KLHL32: variants seen among roughly 807,000 people sequenced by gnomAD.
The protein encoded by KLHL32 is kelch-like protein 32.
Under a neutral mutation model 64.8 loss-of-function variants are expected in KLHL32, and 35 were observed. The ratio of observed to expected loss-of-function variants is 0.54; its 90% CI spans 0.41 to 0.72. The LOEUF (loss-of-function observed/expected upper bound fraction) is 0.72. Ranked by LOEUF, KLHL32 falls within the 30% of genes least tolerant of loss-of-function variation. KLHL32 has a pLI of 0.00. For synonymous variants in KLHL32, 259 were observed against 281.0 expected, an observed-to-expected ratio of 0.92 and a Z score of 0.78; for missense variants, 589 against 768.5, an observed-to-expected ratio of 0.77 and a Z score of 2.76.
chr6:96,994,830 C>T (rs1001158364), intron 3 of KLHL32, among the ~76,000 whole-genome samples: 7 of 152,102 alleles, frequency 4.6e-5, no homozygotes, highest in African/African-American at 1.7e-4. Context: ...AACAGTCAGA[C>T]CAGGACTTCT....
intron 1 of KLHL32, among the ~76,000 whole-genome samples, chr6:96,964,379 C>T (rs1434093643): frequency 6.6e-6 from 1 of 152,198 alleles, no homozygotes; most frequent in Non-Finnish European, 1.5e-5. Flanking sequence ...TATGGTCGGG[C>T]GCAGTGGCTC....
At chr6:97,117,905 TATAAAA>T (rs748405418) in intron 7 of KLHL32, among the ~76,000 whole-genome samples, 21 of 152,186 alleles carry the variant, frequency 1.4e-4, no homozygotes, top group Non-Finnish European at 2.4e-4. Context: ...GCTTTAAAAC[TATAAAA>T]ATAAGACAAA....
At chr6:97,025,669 C>T (rs1157385005) in intron 3 of KLHL32, among the ~76,000 whole-genome samples, 1 of 152,020 alleles carries the variant, frequency 6.6e-6, no homozygotes, top group Non-Finnish European at 1.5e-5. Flanking sequence ...GCAGTCTTTC[C>T]AACTTGAGAG....
chr6:97,016,564 G>T (rs2128099450), intron 3 of KLHL32, among the ~76,000 whole-genome samples: 1 of 152,282 alleles, frequency 6.6e-6, no homozygotes, highest in African/African-American at 2.4e-5. Flanking sequence ...TGATTTTACA[G>T]GCTTATAGGT....
chr6:96,973,824 G>A (rs1415960308), intron 2 of KLHL32, among the ~76,000 whole-genome samples: 2 of 148,194 alleles, frequency 1.3e-5, no homozygotes, highest in Non-Finnish European at 3.0e-5. Context: ...CTGGGTTCAA[G>A]CAATTCTCCT....
intron 2 of KLHL32, among the ~76,000 whole-genome samples, chr6:96,971,867 G>T (rs1775153738): frequency 1.3e-5 from 2 of 152,054 alleles, no homozygotes; most frequent in Non-Finnish European, 2.9e-5. Context: ...TTTTTCTGTT[G>T]TTGAGACAGA....
intron 3 of KLHL32, among the ~76,000 whole-genome samples, chr6:97,002,214 G>A (rs982057356): frequency 6.6e-6 from 1 of 152,090 alleles, no homozygotes; most frequent in Non-Finnish European, 1.5e-5. Flanking sequence ...GCAGAGAGAA[G>A]GAATTCTTTT....
intron 4 of KLHL32, among the ~76,000 whole-genome samples, chr6:97,060,154 G>A (rs191128008): frequency 4.3e-4 from 66 of 152,082 alleles, no homozygotes; most frequent in African/African-American, 1.6e-3. Flanking sequence ...ATCTCCTTAT[G>A]CAAGAAATGA....
the KLHL32 span, among the ~76,000 whole-genome samples, chr6:96,913,523 G>A: frequency 4.6e-5 from 7 of 152,188 alleles, no homozygotes; most frequent in African/African-American, 1.7e-4. Context: ...TGATGTCAAT[G>A]TGACATTGCC....
intron 5 of KLHL32, 27 bp downstream of exon 5, chr6:97,064,753 C>T (rs768781893): frequency 1.3e-6 from 2 of 1,533,418 alleles, no homozygotes; most frequent in East Asian, 2.2e-5. Context: ...CCTGCTCATA[C>T]ACCCTTCACA....
chr6:97,100,799 C>CTTT (rs763909891), intron 6 of KLHL32, among the ~76,000 whole-genome samples: 161 of 96,234 alleles, frequency 1.7e-3, no homozygotes, highest in East Asian at 4.6e-3. Flanking sequence ...GCTCATTATT[C>CTTT]TTTTTTTTTT....
chr6:96,987,310 A>G (rs530705883), intron 3 of KLHL32, among the ~76,000 whole-genome samples: 3 of 152,046 alleles, frequency 2.0e-5, no homozygotes, highest in East Asian at 1.9e-4. Context: ...TTAGGGTGTC[A>G]ATTTTAGATC....
At chr6:97,093,888 G>A (rs1337139011) in intron 6 of KLHL32, among the ~76,000 whole-genome samples, 2 of 152,144 alleles carry the variant, frequency 1.3e-5, no homozygotes, top group Non-Finnish European at 1.5e-5. Flanking sequence ...AAAAGAACCT[G>A]GAGTGCCATT....
rs1426338547 is a variant in KLHL32 at position 96,995,335 on chromosome 6, A to G, written c.204+19158A>G. ...TGGGTCAGAATAACTTTTTAATTTC[A>G]TCCTTTCCCAACTTTTCATTTCCTG... is the stretch of plus-strand genomic sequence containing the variant. On this transcript the variant is annotated intron_variant, in intron 3 of 10. Coordinates refer to ENST00000369261, the MANE Select transcript of KLHL32 (RefSeq NM_052904.4). Among the ~76,000 whole-genome samples, 3 of 152,096 alleles carry G rather than the reference A, an allele frequency of 2.0e-5. No homozygotes were observed. The East Asian group carries it at 5.8e-4, about 29-fold the overall frequency.
rs779377562 is a variant in KLHL32 at position 97,114,438 on chromosome 6, T to C, written c.1283T>C (p.Phe428Ser). Residue 428 changes from phenylalanine (F) to serine (S), a missense_variant, in exon 7 of 11, where the codon TTT (phenylalanine) becomes TCT (serine). Physicochemically the swap from Phe to Ser is radical, Grantham distance 155. Transcript: ENST00000369261. ...RYCPKKNKWT[F>S]VQSFDRSLSC... ...TGCCCCAAGAAGAACAAATGGACTT[T>C]TGTTCAGTCCTTTGACAGATCCCTT... 3.7e-6 allele frequency: 6 copies of C among 1,614,230 alleles called. No homozygotes were observed. The East Asian group carries it at 1.3e-4, about 36-fold the overall frequency.
At chr6:97,001,265 G>C (rs374123726) in intron 3 of KLHL32, among the ~76,000 whole-genome samples, 2 of 152,230 alleles carry the variant, frequency 1.3e-5, no homozygotes, top group East Asian at 1.9e-4. Flanking sequence ...GCTTGTGGAG[G>C]GGGAAGGAGC....
At chr6:97,094,778 G>C (rs547770665) in intron 6 of KLHL32, among the ~76,000 whole-genome samples, 2 of 152,064 alleles carry the variant, frequency 1.3e-5, no homozygotes, top group Admixed American at 1.3e-4. Context: ...TAAGTGGCAC[G>C]GTATTACTTA....
intron 3 of KLHL32, among the ~76,000 whole-genome samples, chr6:97,015,631 G>T (rs1054165761): frequency 6.6e-6 from 1 of 152,210 alleles, no homozygotes; most frequent in Admixed American, 6.5e-5. Context: ...TGGAAAATTT[G>T]CAGCCTGATG....
At chr6:96,919,574 A>C in the KLHL32 span, among the ~76,000 whole-genome samples, 1 of 152,196 alleles carries the variant, frequency 6.6e-6, no homozygotes, top group African/African-American at 2.4e-5. Flanking sequence ...GGATTCCCAC[A>C]ATATTTAAGC....
Sources: allele counts gnomAD v4.1 joint callset (sites outside exome capture counted in the v4.1 genomes callset), GRCh38; gene constraint gnomAD v4.1.1; transcripts MANE v1.5; gene names NCBI Gene and HGNC (gene_info 2026-07-23, HGNC 2026-07-21).